Variants in RANBP17 observed in about 807,000 individuals in gnomAD.
RANBP17 encodes RAN binding protein 17, also known as ran-binding protein 17.
RANBP17 carries 158 observed loss-of-function variants against 141.2 expected under a neutral mutation model. The ratio of observed to expected loss-of-function variants is 1.12; its 90% CI spans 0.98 to 1.28. RANBP17 has a LOEUF of 1.28. Ranked by LOEUF, RANBP17 falls within the 50% of genes most tolerant of loss-of-function variation. The probability of loss-of-function intolerance (pLI) is 0.00; values close to 1 mark genes in which losing one functional copy is unlikely to be tolerated. For synonymous variants in RANBP17, 430 were observed against 450.0 expected (o/e 0.96, Z 0.56); for missense variants, 1,438 against 1,290.7 (o/e 1.11, Z -1.75).
chr5:171,262,444 A>C (rs1164323975), intron 24 of RANBP17, among the ~76,000 whole-genome samples: 1 of 152,234 alleles, frequency 6.6e-6, no homozygotes, highest in East Asian at 1.9e-4. Flanking sequence ...AAATTAACTA[A>C]TTAATCAGTT....
At chr5:171,092,505 A>G (rs1786371907) in intron 14 of RANBP17, among the ~76,000 whole-genome samples, 1 of 152,192 alleles carries the variant, frequency 6.6e-6, no homozygotes, top group South Asian at 2.1e-4. Flanking sequence ...TTCTCTTGCA[A>G]CCATTAGGAC....
At chr5:170,985,281 A>G (rs1778071286) in intron 14 of RANBP17, among the ~76,000 whole-genome samples, 1 of 152,152 alleles carries the variant, frequency 6.6e-6, no homozygotes, top group Non-Finnish European at 1.5e-5. Context: ...TTGGTTGGTT[A>G]TGAAACCTTA....
At chr5:171,254,098 T>A (rs1765736861) in intron 24 of RANBP17, among the ~76,000 whole-genome samples, 1 of 151,910 alleles carries the variant, frequency 6.6e-6, no homozygotes, top group African/African-American at 2.4e-5. Context: ...ATACAAAAAA[T>A]TAGCCGGGTG....
At chr5:171,059,086 G>C (rs1783618613) in intron 14 of RANBP17, among the ~76,000 whole-genome samples, 1 of 149,364 alleles carries the variant, frequency 6.7e-6, no homozygotes, top group African/African-American at 2.5e-5. Context: ...TGAGTAGGTT[G>C]CGAAAATTTT....
chr5:171,150,803 G>A (rs1034828946), intron 14 of RANBP17, among the ~76,000 whole-genome samples: 1 of 152,174 alleles, frequency 6.6e-6, no homozygotes, highest in Non-Finnish European at 1.5e-5. Flanking sequence ...GTCAGAGGTG[G>A]TGCATTTTGT....
intron 12 of RANBP17, among the ~76,000 whole-genome samples, chr5:170,953,352 CA>C (rs1775354101): frequency 6.6e-6 from 1 of 152,084 alleles, no homozygotes; most frequent in South Asian, 2.1e-4. Flanking sequence ...TGCAAGATCA[CA>C]TAGCAAATTA....
At chr5:170,905,982 A>G (rs1771046328) in intron 5 of RANBP17, among the ~76,000 whole-genome samples, 1 of 152,094 alleles carries the variant, frequency 6.6e-6, no homozygotes, top group African/African-American at 2.4e-5. Flanking sequence ...TTAATTAGCA[A>G]ACTTACAGAA....
chr5:170,935,217 A>C (rs969603768), intron 12 of RANBP17, among the ~76,000 whole-genome samples: 8 of 152,098 alleles, frequency 5.3e-5, no homozygotes, highest in Non-Finnish European at 1.2e-4. Flanking sequence ...CTCTTTTTGC[A>C]AGGGTTTAGC....
intron 14 of RANBP17, among the ~76,000 whole-genome samples, chr5:171,141,423 C>T (rs1359573296): frequency 6.7e-6 from 1 of 148,694 alleles, no homozygotes; most frequent in Non-Finnish European, 1.5e-5. Flanking sequence ...GGTGAAACCC[C>T]ATCTCTACTA....
intron 12 of RANBP17, 62 bp from the exon 13 acceptor site, chr5:170,953,535 C>A: frequency 8.9e-7 from 1 of 1,126,258 alleles, no homozygotes; most frequent in South Asian, 1.4e-5. Flanking sequence ...GGAATTTCCC[C>A]CAAGATAAGC....
chr5:171,137,632 G>A (rs1757402779), intron 14 of RANBP17, among the ~76,000 whole-genome samples: 1 of 150,906 alleles, frequency 6.6e-6, no homozygotes, highest in Admixed American at 6.6e-5. Flanking sequence ...GTGTCTGTGT[G>A]TGTGTGTATT....
At chr5:171,277,670 T>A (rs1243592500) in intron 25 of RANBP17, among the ~76,000 whole-genome samples, 1 of 138,790 alleles carries the variant, frequency 7.2e-6, no homozygotes, top group African/African-American at 2.7e-5. Flanking sequence ...TATATATATT[T>A]ATGTCTTACA....
At chr5:170,996,206 C>T (rs562590801) in intron 14 of RANBP17, among the ~76,000 whole-genome samples, 22 of 152,180 alleles carry the variant, frequency 1.4e-4, no homozygotes, top group African/African-American at 4.6e-4. Flanking sequence ...CTTGAGGGAC[C>T]CTCTCCTTCC....
intron 24 of RANBP17, chr5:171,252,264 C>T: frequency 3.8e-6 from 6 of 1,559,712 alleles, no homozygotes; most frequent in Non-Finnish European, 5.3e-6. Context: ...AACAAAATGG[C>T]CGCTTACCTA....
At chr5:171,019,968 G>A (rs575253920) in intron 14 of RANBP17, among the ~76,000 whole-genome samples, 1 of 152,186 alleles carries the variant, frequency 6.6e-6, no homozygotes, top group African/African-American at 2.4e-5. Flanking sequence ...ATTCTAGTAC[G>A]TTGTCTCTTT....
At chr5:171,151,822 C>T (rs1367962097) in intron 14 of RANBP17, among the ~76,000 whole-genome samples, 5 of 152,088 alleles carry the variant, frequency 3.3e-5, no homozygotes. Flanking sequence ...TTTCAATTGC[C>T]AAACCTAACT....
At chr5:171,048,156 G>C (rs79504241) in intron 14 of RANBP17, among the ~76,000 whole-genome samples, 4,568 of 152,136 alleles carry the variant, frequency 0.03, 158 homozygotes, top group East Asian at 0.081. Context: ...TTGATCTCTT[G>C]GGTTCAAGTG....
intron 7 of RANBP17, among the ~76,000 whole-genome samples, chr5:170,913,697 A>G (rs963420027): frequency 3.9e-5 from 6 of 152,070 alleles, no homozygotes; most frequent in African/African-American, 1.4e-4. Context: ...ACACACTGTA[A>G]TAGGAATGCA....
chr5:170,953,702 G>A lies in RANBP17; in HGVS notation c.1574G>A (p.Arg525Gln), dbSNP rs759904364. 4.5e-6 allele frequency: 7 copies of A among 1,565,790 alleles called. No individual in the cohort carries two copies. Among genetic ancestry groups the A allele is most frequent in the South Asian group, 2.2e-5 (2 of 89,048 alleles). The change falls in exon 13 of 28, where the codon CGA becomes CAA. Residue 525 changes from arginine to glutamine, a missense_variant and splice_region_variant. By Grantham distance (43) the Arg-to-Gln change is conservative (BLOSUM62 1). Transcript: ENST00000523189. ...HDAMDGELSC[R>Q]VFQLISLMDT... The stretch of plus-strand genomic sequence containing the variant: ...GCTATGGATGGAGAATTATCCTGTC[G>A]GTAAGTAAGAGCTATGTAATTTACT...
Sources: gnomAD v4.1 joint callset for allele counts (sites outside exome capture counted in the v4.1 genomes callset) on GRCh38, gnomAD v4.1.1 for gene constraint, MANE v1.5 for transcripts, NCBI Gene and HGNC (gene_info 2026-07-23, HGNC 2026-07-21) for gene names.